Variants in LINC00305 observed in about 807,000 individuals in gnomAD.
The protein encoded by LINC00305 is long intergenic non-protein coding RNA 305.
intron 3 of LINC00305, among the ~76,000 whole-genome samples, chr18:64,085,553 C>T (rs1204260958): frequency 6.6e-6 from 1 of 152,042 alleles, no homozygotes; most frequent in Non-Finnish European, 1.5e-5. Flanking sequence ...ACCTCTGCCT[C>T]CCGGGTTCAA....
intron 1 of LINC00305, among the ~76,000 whole-genome samples, chr18:64,145,580 A>AT (rs1414457492): frequency 3.3e-5 from 5 of 151,936 alleles, no homozygotes; most frequent in East Asian, 1.9e-4. Context: ...CCCAGATAAT[A>AT]TTTTTTTGTA....
intron 3 of LINC00305, among the ~76,000 whole-genome samples, chr18:64,082,588 T>C (rs906258913): frequency 1.3e-5 from 2 of 152,178 alleles, no homozygotes; most frequent in Non-Finnish European, 2.9e-5. Context: ...CAGAAATGGA[T>C]TGCACAAAGC....
At chr18:64,095,119 A>C (rs112621018) in intron 3 of LINC00305, among the ~76,000 whole-genome samples, 2 of 152,088 alleles carry the variant, frequency 1.3e-5, no homozygotes, top group African/African-American at 4.8e-5. Context: ...TTAAATTAAA[A>C]CAGCAAGGAT....
chr18:64,129,074 G>A (rs927024064), intron 1 of LINC00305, among the ~76,000 whole-genome samples: 2 of 152,038 alleles, frequency 1.3e-5, no homozygotes, highest in African/African-American at 4.8e-5. Flanking sequence ...GAATTCATGC[G>A]ATACATTTTT....
chr18:64,115,727 T>A (rs2051334681), intron 1 of LINC00305, among the ~76,000 whole-genome samples: 1 of 152,186 alleles, frequency 6.6e-6, no homozygotes, highest in Non-Finnish European at 1.5e-5. Flanking sequence ...TTTTTTTAAA[T>A]AAGTATTTAC....
chr18:64,148,696 T>C (rs1182852180), intron 1 of LINC00305: 1 of 152,248 alleles, frequency 6.6e-6, no homozygotes, highest in Non-Finnish European at 1.5e-5. Context: ...ACAGTGGCCA[T>C]AAGGTGGCTG....
exon 4 of LINC00305, chr18:64,080,295 A>C: frequency 2.2e-6 from 1 of 457,236 alleles, no homozygotes. Context: ...AGAAAACGTC[A>C]TCCAGCTTAG....
intron 1 of LINC00305, among the ~76,000 whole-genome samples, chr18:64,102,672 G>A (rs2051271923): frequency 6.6e-6 from 1 of 152,128 alleles, no homozygotes; most frequent in Non-Finnish European, 1.5e-5. Context: ...AAGTATAGTA[G>A]CTTCTGCTTC....
chr18:64,088,882 A>T (rs2051214252), intron 3 of LINC00305, among the ~76,000 whole-genome samples: 1 of 152,172 alleles, frequency 6.6e-6, no homozygotes, highest in Non-Finnish European at 1.5e-5. Flanking sequence ...AAACAGATAA[A>T]AAAAGGGACA....
chr18:64,122,342 C>A lies in LINC00305; in HGVS notation n.315-23702G>T, dbSNP rs117153537. On this transcript the variant is annotated intron_variant and non_coding_transcript_variant, in intron 1 of 3. Coordinates refer to ENST00000666468, the Ensembl canonical transcript of LINC00305. ...AGGACTTATGTTTATGTCTTTGATT[C>A]ATCTTAAGTTGATTTTTGTATACAG... Among the ~76,000 whole-genome samples the A allele has an allele frequency of 7.1e-4, 108 of 152,020 alleles. 1 individual carries two copies. The East Asian group carries it at 0.019, about 27-fold the overall frequency.
rs369444266 is a variant in LINC00305 at position 64,099,851 on chromosome 18, C to T, written n.315-1211G>A. 3.9e-5 allele frequency among the ~76,000 whole-genome samples: 6 copies of T among 152,186 alleles called. 1 individual carries two copies. The highest frequency in any genetic ancestry group is 3.9e-4 in the East Asian group (2 of 5,184). Reference sequence around the variant, plus strand: ...TACATGGCAAAGTCTGCCAGTCAAACGGCACAAAAAATGGTGTGTTCTCAG... The same window carrying T: ...TACATGGCAAAGTCTGCCAGTCAAATGGCACAAAAAATGGTGTGTTCTCAG... On this transcript the variant is annotated intron_variant and non_coding_transcript_variant, in intron 1 of 3. Coordinates refer to ENST00000666468, the Ensembl canonical transcript of LINC00305.
chr18:64,088,615 T>C (rs1249568326), intron 3 of LINC00305, among the ~76,000 whole-genome samples: 1 of 152,252 alleles, frequency 6.6e-6, no homozygotes, highest in Non-Finnish European at 1.5e-5. Flanking sequence ...CATATTGTAA[T>C]CATACATGGA....
intron 3 of LINC00305, among the ~76,000 whole-genome samples, chr18:64,086,060 G>T (rs2051202092): frequency 6.6e-6 from 1 of 152,200 alleles, no homozygotes; most frequent in African/African-American, 2.4e-5. Context: ...AATGTGGAAT[G>T]AGATTTATAA....
At chr18:64,112,399 T>C (rs1220775778) in intron 1 of LINC00305, among the ~76,000 whole-genome samples, 1 of 151,194 alleles carries the variant, frequency 6.6e-6, no homozygotes, top group Non-Finnish European at 1.5e-5. Flanking sequence ...ACATCTATCA[T>C]AGGATGTTAA....
chr18:64,123,201 T>A (rs1166516588), intron 1 of LINC00305, among the ~76,000 whole-genome samples: 14 of 152,078 alleles, frequency 9.2e-5, no homozygotes, highest in Admixed American at 9.2e-4. Context: ...CTGGCTAGGA[T>A]TTTTAGTACT....
At chr18:64,138,261 C>T (rs1417730463) in intron 1 of LINC00305, among the ~76,000 whole-genome samples, 2 of 151,734 alleles carry the variant, frequency 1.3e-5, no homozygotes, top group Non-Finnish European at 2.9e-5. Context: ...TCTTTTTTTC[C>T]CCACCAAAAA....
intron 1 of LINC00305, among the ~76,000 whole-genome samples, chr18:64,128,532 T>A (rs2613656): frequency 0.15 from 22,686 of 152,034 alleles, 1,704 homozygotes; most frequent in Non-Finnish European, 0.16. Flanking sequence ...CTGGGAGCAC[T>A]GAAATGAAAA....
intron 1 of LINC00305, among the ~76,000 whole-genome samples, chr18:64,118,479 A>G (rs2051347507): frequency 6.6e-6 from 1 of 152,134 alleles, no homozygotes; most frequent in African/African-American, 2.4e-5. Context: ...TTATATGGAT[A>G]TAAAATCATT....
At chr18:64,113,417 T>C (rs1211385050) in intron 1 of LINC00305, among the ~76,000 whole-genome samples, 3 of 152,246 alleles carry the variant, frequency 2.0e-5, no homozygotes, top group African/African-American at 7.2e-5. Context: ...AATTATTTAA[T>C]TATTTTCCTT....
Sources: allele counts gnomAD v4.1 joint callset (sites outside exome capture counted in the v4.1 genomes callset), GRCh38; gene constraint gnomAD v4.1.1; transcripts MANE v1.5; gene names NCBI Gene and HGNC (gene_info 2026-07-23, HGNC 2026-07-21).